Variants in PTPN13 observed in about 807,000 individuals in gnomAD.
PTPN13 encodes tyrosine-protein phosphatase non-receptor type 13.
In PTPN13, 191 loss-of-function variants were observed where a neutral mutation model predicts 284.0. The observed-to-expected ratio is 0.67, with a 90% CI of 0.60 to 0.76. The LOEUF is 0.76. Among genes scored for constraint, PTPN13 ranks in the 30% least tolerant of loss-of-function variants. The pLI, the probability that PTPN13 is intolerant of heterozygous loss-of-function variation, is 0.00. For synonymous variants in PTPN13, 986 were observed against 1,022.3 expected (o/e 0.96, Z 0.68); for missense variants, 2,797 against 2,939.9 (o/e 0.95, Z 1.12).
intron 44 of PTPN13, among the ~76,000 whole-genome samples, chr4:86,806,376 T>C (rs949441366): frequency 6.6e-6 from 1 of 152,020 alleles, no homozygotes; most frequent in Non-Finnish European, 1.5e-5. Context: ...CAAGAAACCA[T>C]AAATCTAAAG....
chr4:86,694,036 G>A (rs1278622871), intron 6 of PTPN13, among the ~76,000 whole-genome samples: 1 of 150,838 alleles, frequency 6.6e-6, no homozygotes, highest in Non-Finnish European at 1.5e-5. Context: ...AAACACTACT[G>A]AAACAAAAGT....
intron 2 of PTPN13, among the ~76,000 whole-genome samples, chr4:86,648,653 G>A (rs778975286): frequency 6.6e-5 from 10 of 152,054 alleles, no homozygotes; most frequent in Admixed American, 5.9e-4. Flanking sequence ...AGATGATTCC[G>A]TAACTTGGCT....
intron 15 of PTPN13, among the ~76,000 whole-genome samples, chr4:86,738,451 C>G (rs1245053295): frequency 1.3e-5 from 2 of 152,108 alleles, no homozygotes; most frequent in Admixed American, 1.3e-4. Flanking sequence ...TTGTACTTCC[C>G]TCATTACTAT....
At chr4:86,686,157 T>A (rs1729428775) in intron 3 of PTPN13, among the ~76,000 whole-genome samples, 1 of 152,136 alleles carries the variant, frequency 6.6e-6, no homozygotes, top group African/African-American at 2.4e-5. Flanking sequence ...AGGTCAGGAA[T>A]TCAAGACGAG....
chr4:86,641,826 T>C (rs558933661), intron 2 of PTPN13, among the ~76,000 whole-genome samples: 1 of 152,338 alleles, frequency 6.6e-6, no homozygotes, highest in South Asian at 2.1e-4. Flanking sequence ...TGATCTATCT[T>C]TGTAAATATT....
intron 7 of PTPN13, among the ~76,000 whole-genome samples, chr4:86,707,700 A>G (rs1160614579): frequency 6.6e-6 from 1 of 152,088 alleles, no homozygotes; most frequent in East Asian, 1.9e-4. Flanking sequence ...TTCCCTTTGA[A>G]TAGCAAGAAA....
At chr4:86,738,114 C>T (rs947366773) in intron 15 of PTPN13, among the ~76,000 whole-genome samples, 1 of 151,770 alleles carries the variant, frequency 6.6e-6, no homozygotes, top group African/African-American at 2.4e-5. Context: ...TTTCTTTGTG[C>T]AGATACATAA....
intron 1 of PTPN13, among the ~76,000 whole-genome samples, chr4:86,617,475 G>A (rs907407649): frequency 2.0e-5 from 3 of 151,996 alleles, no homozygotes; most frequent in Non-Finnish European, 4.4e-5. Flanking sequence ...TGCACAATGT[G>A]CAGGTTTGTT....
intron 2 of PTPN13, among the ~76,000 whole-genome samples, chr4:86,645,069 C>T (rs1724256632): frequency 6.6e-6 from 1 of 151,956 alleles, no homozygotes; most frequent in Non-Finnish European, 1.5e-5. Context: ...ATTAGTCAGA[C>T]GTGGTGACAT....
intron 40 of PTPN13, among the ~76,000 whole-genome samples, chr4:86,787,580 G>A (rs542116053): frequency 8.8e-5 from 13 of 148,054 alleles, no homozygotes; most frequent in African/African-American, 2.2e-4. Context: ...CAACAAGAGC[G>A]AGATTCTGTC....
intron 17 of PTPN13, among the ~76,000 whole-genome samples, chr4:86,747,533 T>TAGCAGCAGCAGCAGCGGCAGCAGCAGC (rs1350043549): frequency 6.6e-6 from 1 of 151,542 alleles, no homozygotes; most frequent in Non-Finnish European, 1.5e-5. Flanking sequence ...GCGGTAATAG[T>TAGCAGCAGCAGCAGCGGCAGCAGCAGC]AGCAGCAGCA....
rs1293890990 is a variant in PTPN13, at chr4:86,771,274, C to G, written c.4907C>G (p.Ser1636Ter). The G allele has an allele frequency of 6.2e-7, 1 of 1,606,652 alleles. No homozygotes were observed. Among genetic ancestry groups the G allele is most frequent in the Non-Finnish European group, 8.5e-7 (1 of 1,176,480 alleles). The change falls in exon 31 of 48, where the codon TCA becomes TGA. Residue 1636 changes from serine to a stop codon, truncating the protein, a stop_gained. Transcript: ENST00000411767. LOFTEE classifies it high-confidence loss of function. ...QSTSSDENEM[S>*]DKSKKQCKSP... ...ACCAGCTCAGATGAAAATGAAATGT[C>G]AGACAAAAGCAAAAAACAGTGCAAG...
At chr4:86,654,270 C>T (rs1424402270) in intron 2 of PTPN13, among the ~76,000 whole-genome samples, 1 of 152,054 alleles carries the variant, frequency 6.6e-6, no homozygotes, top group Non-Finnish European at 1.5e-5. Context: ...AATTGATAGA[C>T]CGCTAGCAAG....
Position 86,642,480 on chromosome 4 carries a change from T to G in PTPN13, c.115+7109T>G, listed in dbSNP as rs565516835. Among the ~76,000 whole-genome samples the G allele has an allele frequency of 1.8e-3, 214 of 121,854 alleles. 1 individual carries two copies. The highest frequency in any genetic ancestry group is 6.5e-3 in the African/African-American group (206 of 31,828). 79.9% of individuals were successfully genotyped at this position (121,854 alleles called of 152,430 possible). A position where few individuals can be genotyped will look rare whatever the true frequency, so the allele number is the denominator to read the frequency against. ...TTTTTTTTTTTTTTTTGAGATGGAG[T>G]CTCACTCTGTCACTCAGGCTGGAGT... On this transcript the variant is annotated intron_variant, in intron 2 of 47. Transcript: ENST00000411767.
At chr4:86,800,687 G>A (rs1743921620) in intron 42 of PTPN13, among the ~76,000 whole-genome samples, 1 of 144,384 alleles carries the variant, frequency 6.9e-6, no homozygotes, top group South Asian at 2.5e-4. Flanking sequence ...GAGAGAGAAG[G>A]AGAGAAGGGA....
chr4:86,637,257 G>A lies in PTPN13; in HGVS notation c.115+1886G>A, dbSNP rs1448396405. Among the ~76,000 whole-genome samples the A allele has an allele frequency of 3.7e-4, 56 of 151,796 alleles. 1 individual carries two copies. The highest frequency in any genetic ancestry group is 1.3e-3 in the African/African-American group (53 of 41,468). On this transcript the variant is annotated intron_variant, in intron 2 of 47. Transcript: ENST00000411767. ...CCGAATTCTACCAGAGGTACAAGGA[G>A]GAACTGGTACCATTCCTTCTGAAAC...
At chr4:86,599,090 G>A (rs1441873610) in intron 1 of PTPN13, among the ~76,000 whole-genome samples, 1 of 151,946 alleles carries the variant, frequency 6.6e-6, no homozygotes, top group African/African-American at 2.4e-5. Flanking sequence ...TCCATGCCCC[G>A]GCCTCAACTC....
chr4:86,641,784 T>C (rs923269108), intron 2 of PTPN13, among the ~76,000 whole-genome samples: 23 of 152,234 alleles, frequency 1.5e-4, no homozygotes, highest in Non-Finnish European at 5.9e-5. Flanking sequence ...CATGAGATAG[T>C]ATTTTTTGAG....
intron 37 of PTPN13, among the ~76,000 whole-genome samples, chr4:86,783,010 A>G (rs527484121): frequency 6.6e-6 from 1 of 152,326 alleles, no homozygotes; most frequent in Admixed American, 6.5e-5. Context: ...TCTGAACTTC[A>G]ATATGGAATG....
Sources: allele counts gnomAD v4.1 joint callset (sites outside exome capture counted in the v4.1 genomes callset), GRCh38; gene constraint gnomAD v4.1.1; transcripts MANE v1.5; gene names NCBI Gene and HGNC (gene_info 2026-07-23, HGNC 2026-07-21).